The following METAP2 variants were observed in gnomAD, a reference collection of about 807,000 sequenced individuals.
The protein encoded by METAP2 is methionine aminopeptidase 2.
Under a neutral mutation model 59.4 loss-of-function variants are expected in METAP2, and 25 were observed. That is an observed-to-expected ratio of 0.42 (90% CI 0.31 to 0.59). METAP2 has a LOEUF of 0.59. Ranked by LOEUF, METAP2 falls within the 20% of genes least tolerant of loss-of-function variation. The probability of loss-of-function intolerance (pLI) is 0.16; values close to 1 mark genes in which losing one functional copy is unlikely to be tolerated. For synonymous variants in METAP2, 214 were observed against 194.1 expected (o/e 1.10, Z -0.85); for missense variants, 366 against 581.2 (o/e 0.63, Z 3.81).
At chr12:95,479,367 C>G (rs1009722375) in intron 2 of METAP2, among the ~76,000 whole-genome samples, 13 of 152,100 alleles carry the variant, frequency 8.5e-5, no homozygotes, top group African/African-American at 3.1e-4. Context: ...ACTTGGGTGA[C>G]AGAATGTTGG....
At position 95,512,747 on chromosome 12, in the gene METAP2, ATTCG is replaced by A. The variant is rs2076412744; in HGVS notation, c.1069-50_1069-47del. On this transcript the variant is annotated intron_variant, in intron 9 of 10. Coordinates refer to ENST00000323666, the MANE Select transcript of METAP2 (RefSeq NM_006838.4). ...GAGAGAAAGAGAGATGGTAATTGTG[ATTCG>A]TTCTGAATTTTTCTTCTTTCTCTCC... is the stretch of plus-strand genomic sequence containing the variant. The A allele has an allele frequency of 3.2e-6, 3 of 950,278 alleles. No homozygotes were observed. In the South Asian group the frequency reaches 4.2e-5, roughly 13 times the overall value. The allele number at this position is 950,278 out of a possible 1,614,324, so 58.9% of individuals were successfully genotyped here. A position where few individuals can be genotyped will look rare whatever the true frequency, so the allele number is the denominator to read the frequency against.
Position 95,514,108 on chromosome 12 carries a change from C to G in METAP2, c.*204C>G, listed in dbSNP as rs1339344915. On this transcript the variant is annotated 3_prime_UTR_variant, in exon 11 of 11. Transcript: ENST00000323666. The stretch of plus-strand genomic sequence containing the variant: ...AAAAAGCTTTCCGGACTTTTAAATG[C>G]TAACTGTTTTTCCCCTTCCTGTCTA... 5.5e-6 allele frequency: 3 copies of G among 545,884 alleles called. No homozygotes were observed. The highest frequency in any genetic ancestry group is 9.1e-6 in the Non-Finnish European group (3 of 329,394). 33.8% of individuals were successfully genotyped at this position (545,884 alleles called of 1,614,324 possible).
rs139960509 is a variant in METAP2, at chr12:95,474,268, C to T, written c.89C>T (p.Thr30Met). The stretch of plus-strand genomic sequence containing the variant: ...GACAGGGAAGAAGGAGCTGCCTCTA[C>T]GGCTGAGGAAGCAGCCAAGAAAAAA... Reference protein sequence around the residue: ...PDDREEGAASTAEEAAKKKRR... With the variant: ...PDDREEGAASMAEEAAKKKRR... Residue 30 changes from threonine to methionine, a missense_variant, in exon 1 of 11, where the codon ACG becomes ATG. By Grantham distance (81) the Thr-to-Met change is moderately conservative. This residue lies in a region of METAP2 where 177 missense variants were observed against 180.3 expected (regional missense o/e 0.98). Coordinates refer to ENST00000323666, the MANE Select transcript of METAP2 (RefSeq NM_006838.4). 3.4e-5 allele frequency: 55 copies of T among 1,614,076 alleles called. No individual in the cohort carries two copies. Among genetic ancestry groups the T allele is most frequent in the Admixed American group, 5.0e-5 (3 of 60,016 alleles).
chr12:95,494,453 A>G (rs17024301), intron 5 of METAP2, among the ~76,000 whole-genome samples: 1 of 152,154 alleles, frequency 6.6e-6, no homozygotes, highest in African/African-American at 2.4e-5. Flanking sequence ...GTTATTTTCT[A>G]TCTGGAAATC....
intron 7 of METAP2, 52 bp from the exon 8 acceptor site, chr12:95,504,013 C>T (rs1363206119): frequency 2.3e-6 from 3 of 1,315,622 alleles, no homozygotes; most frequent in Admixed American, 3.8e-5. Context: ...AATTAAGTTG[C>T]TATGAAAATT....
intron 9 of METAP2, among the ~76,000 whole-genome samples, chr12:95,512,496 GAGGTC>G (rs1358898503): frequency 6.6e-6 from 1 of 152,176 alleles, no homozygotes; most frequent in African/African-American, 2.4e-5. Flanking sequence ...TCACCTGAGT[GAGGTC>G]AGGAGTTTGA....
intron 2 of METAP2, 42 bp downstream of exon 2, chr12:95,476,220 A>C: frequency 7.2e-7 from 1 of 1,386,822 alleles, no homozygotes; most frequent in Middle Eastern, 1.8e-4. Context: ...AAAGCTAGAA[A>C]ATGTAGCCGG....
chr12:95,507,152 C>T (rs1411981779), intron 8 of METAP2, among the ~76,000 whole-genome samples: 1 of 152,190 alleles, frequency 6.6e-6, no homozygotes, highest in East Asian at 1.9e-4. Context: ...GCAGTTTTTA[C>T]TTGGAGTCTT....
Position 95,515,355 on chromosome 12 carries a change from T to G in METAP2, c.*1451T>G, listed in dbSNP as rs1334964244. ...CTAATGTTCAGTAGCCACATTTGAC[T>G]AATGTCTCCATTCTCTGTGATGCTG... On this transcript the variant is annotated 3_prime_UTR_variant, in exon 11 of 11. Transcript: ENST00000323666. 1 of 152,266 alleles carries G rather than the reference T, an allele frequency of 6.6e-6. No individual in the cohort carries two copies. The allele number at this position is 152,266 out of a possible 1,614,324, so 9.4% of individuals were successfully genotyped here.
intron 4 of METAP2, among the ~76,000 whole-genome samples, chr12:95,488,547 G>A (rs899330474): frequency 3.5e-5 from 5 of 141,910 alleles, no homozygotes; most frequent in African/African-American, 1.3e-4. Context: ...AAATACTTCT[G>A]AGTTCCCAGT....
chr12:95,512,035 C>G (rs201124733), intron 9 of METAP2, 37 bp downstream of exon 9: 502 of 1,456,872 alleles, frequency 3.4e-4, no homozygotes, highest in Non-Finnish European at 4.7e-4. Flanking sequence ...CCATGGAAGA[C>G]ATTTTTTTCT....
chr12:95,507,585 T>A (rs1029937863), intron 8 of METAP2, among the ~76,000 whole-genome samples: 2 of 152,244 alleles, frequency 1.3e-5, no homozygotes, highest in Non-Finnish European at 1.5e-5. Flanking sequence ...AAAATTTTTT[T>A]AAATTGTTAG....
intron 4 of METAP2, among the ~76,000 whole-genome samples, chr12:95,487,699 A>T (rs1002933791): frequency 6.6e-6 from 1 of 151,304 alleles, no homozygotes; most frequent in Non-Finnish European, 1.5e-5. Context: ...ATATGTATAC[A>T]TCTGTCTGTT....
At position 95,493,114 on chromosome 12, in the gene METAP2, A is replaced by T. The variant is rs1459054970; in HGVS notation, c.429-942A>T. Among the ~76,000 whole-genome samples the T allele has an allele frequency of 9.9e-5, 15 of 151,534 alleles. 2 individuals carry two copies. The Middle Eastern group carries it at 0.014, about 137-fold the overall frequency. On this transcript the variant is annotated intron_variant, in intron 4 of 10. Coordinates refer to ENST00000323666, the MANE Select transcript of METAP2 (RefSeq NM_006838.4). Reference sequence around the variant, plus strand: ...GAAAATTGTTTAGATTTTTTTTTTTAAATATCATTTTAAGGCAGTTAATGT... The same window carrying T: ...GAAAATTGTTTAGATTTTTTTTTTTTAATATCATTTTAAGGCAGTTAATGT...
At chr12:95,504,981 C>G (rs2076346981) in intron 8 of METAP2, among the ~76,000 whole-genome samples, 1 of 152,226 alleles carries the variant, frequency 6.6e-6, no homozygotes, top group Non-Finnish European at 1.5e-5. Context: ...CCTCCTCTGG[C>G]TCCCAGGTCT....
chr12:95,509,845 A>ACCCC (rs1491185984), intron 8 of METAP2, among the ~76,000 whole-genome samples: 6 of 101,682 alleles, frequency 5.9e-5, no homozygotes, highest in Non-Finnish European at 1.0e-4. Context: ...CTCCCCCCCA[A>ACCCC]CCTTTTTTTT....
intron 1 of METAP2, 119 bp downstream of exon 1, chr12:95,474,449 C>T (rs2076102572): frequency 1.7e-5 from 19 of 1,118,878 alleles, no homozygotes; most frequent in South Asian, 3.3e-5. Context: ...ATTCTTGGGC[C>T]TGACAGGGTG....
In METAP2 at chr12:95,514,034, A is replaced by G; in HGVS notation, c.*130A>G. On this transcript the variant is annotated 3_prime_UTR_variant, in exon 11 of 11. Transcript: ENST00000323666. ...TGTAATACTTTTATCCATGTTTAAA[A>G]AAGAAGGAATTTGGACAAAGGCAAA... 1.7e-6 allele frequency: 2 copies of G among 1,150,784 alleles called. No homozygotes were observed. Among genetic ancestry groups the G allele is most frequent in the South Asian group, 1.9e-5 (1 of 52,320 alleles). 71.3% of individuals were successfully genotyped at this position (1,150,784 alleles called of 1,614,324 possible).
At chr12:95,497,781 T>A (rs2076285722) in intron 7 of METAP2, among the ~76,000 whole-genome samples, 1 of 152,152 alleles carries the variant, frequency 6.6e-6, no homozygotes, top group South Asian at 2.1e-4. Flanking sequence ...TTTTAATCTT[T>A]GGAGAAATGT....
Sources: gnomAD v4.1 joint callset for allele counts (sites outside exome capture counted in the v4.1 genomes callset) on GRCh38, gnomAD v4.1.1 for gene constraint, gnomAD v4.1.1 regional missense constraint, MANE v1.5 for transcripts, NCBI Gene and HGNC (gene_info 2026-07-23, HGNC 2026-07-21) for gene names.